EDEM3: variants seen among roughly 807,000 people sequenced by gnomAD.
EDEM3 encodes ER degradation enhancing alpha-mannosidase like protein 3, also known as ER degradation-enhancing alpha-mannosidase-like protein 3.
A neutral mutation model predicts 110.2 loss-of-function variants in EDEM3; 60 were observed. That is an observed-to-expected ratio of 0.54 (90% CI 0.44 to 0.67). The LOEUF is 0.67. Ranked by LOEUF, EDEM3 falls within the 30% of genes least tolerant of loss-of-function variation. The pLI is 0.00. For synonymous variants in EDEM3, 352 were observed against 382.9 expected (o/e 0.92, Z 0.94); for missense variants, 996 against 1,121.0 (o/e 0.89, Z 1.59).
chr1:184,724,535 A>G (rs2102095192), intron 7 of EDEM3, among the ~76,000 whole-genome samples: 1 of 152,314 alleles, frequency 6.6e-6, no homozygotes, highest in East Asian at 1.9e-4. Context: ...CAAAATATAA[A>G]TGCAAAGGGC....
chr1:184,696,374 C>CACATATTTTA (rs1649328318), intron 19 of EDEM3, among the ~76,000 whole-genome samples: 1 of 151,916 alleles, frequency 6.6e-6, no homozygotes, highest in Non-Finnish European at 1.5e-5. Flanking sequence ...TTTTGTATGG[C>CACATATTTTA]TCCTGTGCAC....
intron 6 of EDEM3, among the ~76,000 whole-genome samples, chr1:184,731,809 T>C (rs1033636041): frequency 2.0e-5 from 3 of 152,160 alleles, no homozygotes; most frequent in African/African-American, 7.2e-5. Context: ...TGGAATACTA[T>C]TTGGCCATTA....
chr1:184,718,459 A>G (rs1650677826), intron 11 of EDEM3, among the ~76,000 whole-genome samples: 1 of 152,150 alleles, frequency 6.6e-6, no homozygotes, highest in Non-Finnish European at 1.5e-5. Flanking sequence ...TAATAAAACT[A>G]TACTTTCCAA....
intron 15 of EDEM3, 124 bp from the exon 16 acceptor site, chr1:184,710,671 A>G: frequency 9.1e-7 from 1 of 1,100,216 alleles, no homozygotes; most frequent in South Asian, 1.8e-5. Context: ...AAACTGGAAT[A>G]ACTAGAAAGT....
In EDEM3 at chr1:184,692,350, T is replaced by C. The variant is rs140884812; in HGVS notation, c.*1713A>G. On this transcript the variant is annotated 3_prime_UTR_variant, in exon 20 of 20. Transcript: ENST00000318130. ...AAAAGCCAATAAGGGTCTTGCATAC[T>C]ATTCTTTTTCCCCTCCCCAAAGTGA... 1.9e-4 allele frequency: 29 copies of C among 152,254 alleles called. No individual in the cohort carries two copies. The highest frequency in any genetic ancestry group is 7.0e-4 in the African/African-American group (29 of 41,564). The allele number at this position is 152,254 out of a possible 1,614,324, so 9.4% of individuals were successfully genotyped here.
intron 13 of EDEM3, among the ~76,000 whole-genome samples, chr1:184,715,078 A>C (rs1650469824): frequency 6.6e-6 from 1 of 152,200 alleles, no homozygotes; most frequent in Non-Finnish European, 1.5e-5. Context: ...AGAGGGTGGA[A>C]ACTCATCAGC....
intron 6 of EDEM3, among the ~76,000 whole-genome samples, chr1:184,729,006 T>C (rs1330747455): frequency 6.6e-6 from 1 of 152,110 alleles, no homozygotes; most frequent in Non-Finnish European, 1.5e-5. Context: ...CAGTGCTTTT[T>C]TTGCTTACGG....
At chr1:184,744,279 T>C (rs972654836) in intron 2 of EDEM3, among the ~76,000 whole-genome samples, 26 of 129,150 alleles carry the variant, frequency 2.0e-4, no homozygotes, top group African/African-American at 6.9e-4. Context: ...TATATATATA[T>C]ATATATATAT....
chr1:184,717,017 T>C lies in EDEM3; in HGVS notation c.1246-5A>G, dbSNP rs1447140186. The C allele has an allele frequency of 1.3e-6, 2 of 1,598,192 alleles. No individual in the cohort carries two copies. The highest frequency in any genetic ancestry group is 1.7e-6 in the Non-Finnish European group (2 of 1,167,060). On this transcript the variant is annotated splice_region_variant and splice_polypyrimidine_tract_variant and intron_variant, in intron 12 of 19. Transcript: ENST00000318130. ...GTAGTAAGGATCTCCTGTAGCCTAT[T>C]AAAAAGGAGAATATATGTATAATAT...
chr1:184,741,815 G>C (rs1194112262), intron 2 of EDEM3, among the ~76,000 whole-genome samples: 2 of 152,118 alleles, frequency 1.3e-5, no homozygotes, highest in East Asian at 3.9e-4. Flanking sequence ...TGCCTTATTG[G>C]AAGAAAAATT....
chr1:184,721,352 A>G lies in EDEM3; in HGVS notation c.888T>C (p.Tyr296=). The change falls in exon 9 of 20, where the codon TAT becomes TAC. Residue 296 remains tyrosine (Y), a synonymous_variant. Transcript: ENST00000318130. ...AGACATAGGCTTTCAACAGATATTC[A>G]TAATATGAATCAATCCCTGCTCCAA... ...SGVGAGIDSY[Y]EYLLKAYVLL... 1.2e-6 allele frequency: 2 copies of G among 1,608,244 alleles called. No homozygotes were observed. The highest frequency in any genetic ancestry group is 1.7e-6 in the Non-Finnish European group (2 of 1,178,028).
intron 2 of EDEM3, 38 bp from the exon 3 acceptor site, chr1:184,737,749 A>C: frequency 6.4e-7 from 1 of 1,559,192 alleles, no homozygotes; most frequent in Non-Finnish European, 8.8e-7. Flanking sequence ...AAGGAAAATA[A>C]GCGAAAGCAC....
In EDEM3 at chr1:184,732,183, C is replaced by CA. The variant is rs1266361059; in HGVS notation, c.612+653dup. The stretch of plus-strand genomic sequence containing the variant: ...AGTGGGAGACTCCATTCCCCCCCAC[C>CA]AAAAAAAAGAAATAAGCCAGGCATA... On this transcript the variant is annotated intron_variant, in intron 6 of 19. Transcript: ENST00000318130. Among the ~76,000 whole-genome samples the CA allele has an allele frequency of 2.7e-5, 4 of 147,556 alleles. No individual in the cohort carries two copies. The South Asian group carries it at 8.5e-4, about 31-fold the overall frequency.
intron 11 of EDEM3, among the ~76,000 whole-genome samples, chr1:184,718,193 A>C (rs1236606026): frequency 6.6e-6 from 1 of 152,056 alleles, no homozygotes; most frequent in Non-Finnish European, 1.5e-5. Flanking sequence ...ATTTTAGCTT[A>C]TATTTTCTAA....
intron 2 of EDEM3, among the ~76,000 whole-genome samples, chr1:184,741,605 T>C (rs983213521): frequency 1.3e-5 from 2 of 152,180 alleles, no homozygotes; most frequent in Admixed American, 6.5e-5. Context: ...TCTGGAACCA[T>C]AATTCCCCAA....
Position 184,736,200 on chromosome 1 carries a change from AT to A in EDEM3, c.345+824del, listed in dbSNP as rs550765521. Among the ~76,000 whole-genome samples, 310 of 152,208 alleles carry A rather than the reference AT, an allele frequency of 2.0e-3. 1 individual carries two copies. The highest frequency in any genetic ancestry group is 7.1e-3 in the African/African-American group (294 of 41,540). On this transcript the variant is annotated intron_variant, in intron 4 of 19. Transcript: ENST00000318130. ...ACTTAGGAGGACCTATTTTTTTTAAATCACAAGTGAACCTCTTAAGCTGCTT... is the reference window on the plus strand; with the variant it reads ...ACTTAGGAGGACCTATTTTTTTTAAACACAAGTGAACCTCTTAAGCTGCTT...
chr1:184,726,559 A>T (rs1408054251), intron 6 of EDEM3, among the ~76,000 whole-genome samples, 170 bp from the exon 7 acceptor site: 1 of 152,242 alleles, frequency 6.6e-6, no homozygotes, highest in Non-Finnish European at 1.5e-5. Context: ...CATGTAGGGA[A>T]ATATATTCTA....
chr1:184,739,431 T>C (rs1652013090), intron 2 of EDEM3, among the ~76,000 whole-genome samples: 1 of 151,140 alleles, frequency 6.6e-6, no homozygotes, highest in Non-Finnish European at 1.5e-5. Flanking sequence ...ATAAAAATTA[T>C]TTTATTAAGT....
At chr1:184,712,007 A>G in intron 14 of EDEM3, 130 bp from the exon 15 acceptor site, 1 of 657,580 alleles carries the variant, frequency 1.5e-6, no homozygotes, top group Non-Finnish European at 2.4e-6. Flanking sequence ...GCTCACTGTA[A>G]GCTCCATCTC....
Sources: allele counts gnomAD v4.1 joint callset (sites outside exome capture counted in the v4.1 genomes callset), GRCh38; gene constraint gnomAD v4.1.1; transcripts MANE v1.5; gene names NCBI Gene and HGNC (gene_info 2026-07-23, HGNC 2026-07-21).